PCCA: variants seen among roughly 807,000 people sequenced by gnomAD.
PCCA encodes propionyl-CoA carboxylase alpha chain, mitochondrial.
Under a neutral mutation model 101.3 loss-of-function variants are expected in PCCA, and 74 were observed. The ratio of observed to expected loss-of-function variants is 0.73; its 90% confidence interval spans 0.61 to 0.89. The LOEUF (loss-of-function observed/expected upper bound fraction) is 0.89. Among genes scored for constraint, PCCA ranks in the 40% least tolerant of loss-of-function variants. PCCA has a pLI of 0.00. For synonymous variants in PCCA, 294 were observed against 313.6 expected (o/e 0.94, Z 0.66); for missense variants, 891 against 907.0 (o/e 0.98, Z 0.23).
chr13:100,288,044 T>C (rs2064825887), intron 12 of PCCA, among the ~76,000 whole-genome samples: 1 of 152,210 alleles, frequency 6.6e-6, no homozygotes, highest in African/African-American at 2.4e-5. Flanking sequence ...TCAATTCCTC[T>C]ATATATCTTT....
intron 7 of PCCA, among the ~76,000 whole-genome samples, chr13:100,217,304 GC>G (rs1298464986): frequency 6.6e-6 from 1 of 151,030 alleles, no homozygotes; most frequent in Admixed American, 6.6e-5. Flanking sequence ...AATTAGCTGG[GC>G]GTGGTGGTGC....
chr13:100,467,343 C>G (rs1052838302), intron 21 of PCCA, among the ~76,000 whole-genome samples: 3 of 152,140 alleles, frequency 2.0e-5, no homozygotes, highest in African/African-American at 7.2e-5. Flanking sequence ...GCTTCCTGAG[C>G]CAGTTACTCT....
chr13:100,116,443 C>A (rs2048805458), intron 4 of PCCA, among the ~76,000 whole-genome samples: 1 of 152,166 alleles, frequency 6.6e-6, no homozygotes, highest in African/African-American at 2.4e-5. Flanking sequence ...GGAAAGCCAG[C>A]TAACTTGCAA....
chr13:100,526,209 T>C (rs1272210151), intron 22 of PCCA, among the ~76,000 whole-genome samples: 1 of 152,234 alleles, frequency 6.6e-6, no homozygotes, highest in East Asian at 1.9e-4. Context: ...TGGGGGCCTC[T>C]GCATTGTCTC....
intron 7 of PCCA, among the ~76,000 whole-genome samples, chr13:100,212,829 C>G (rs1482909252): frequency 6.6e-6 from 1 of 151,958 alleles, no homozygotes; most frequent in Non-Finnish European, 1.5e-5. Context: ...TTCTATCTAA[C>G]TGGACCCATT....
At chr13:100,345,153 T>G (rs1595476548) in intron 18 of PCCA, among the ~76,000 whole-genome samples, 1 of 152,344 alleles carries the variant, frequency 6.6e-6, no homozygotes, top group Admixed American at 6.5e-5. Context: ...AAGGAATAAG[T>G]AGCACATCTT....
intron 19 of PCCA, among the ~76,000 whole-genome samples, chr13:100,421,577 CT>C (rs1292324021): frequency 1.6e-4 from 23 of 147,042 alleles, no homozygotes; most frequent in Non-Finnish European, 1.2e-4. Context: ...ACAACATTTC[CT>C]TTTTTTTTTA....
intron 2 of PCCA, among the ~76,000 whole-genome samples, chr13:100,110,732 T>G (rs1044289798): frequency 6.6e-6 from 1 of 152,200 alleles, no homozygotes; most frequent in Non-Finnish European, 1.5e-5. Context: ...TGAAAACAAC[T>G]CATGACACTT....
intron 7 of PCCA, among the ~76,000 whole-genome samples, chr13:100,216,814 T>C (rs2059548288): frequency 6.6e-6 from 1 of 152,144 alleles, no homozygotes; most frequent in African/African-American, 2.4e-5. Flanking sequence ...TAGATAAGTA[T>C]ATAAAGAATT....
At chr13:100,341,554 C>G (rs1346285125) in intron 18 of PCCA, among the ~76,000 whole-genome samples, 3 of 152,172 alleles carry the variant, frequency 2.0e-5, no homozygotes, top group Non-Finnish European at 4.4e-5. Flanking sequence ...GTTAGCAGCT[C>G]CTGCACTGGG....
chr13:100,277,145 C>G (rs1315458898), intron 12 of PCCA, among the ~76,000 whole-genome samples: 2 of 152,068 alleles, frequency 1.3e-5, no homozygotes, highest in Non-Finnish European at 2.9e-5. Flanking sequence ...GGTTGCAGTT[C>G]TAGAGAATGG....
At chr13:100,297,274 A>G (rs1941958555) in intron 12 of PCCA, among the ~76,000 whole-genome samples, 1 of 152,164 alleles carries the variant, frequency 6.6e-6, no homozygotes. Context: ...AGATACTTTG[A>G]GACTCTATAA....
At chr13:100,493,097 G>GCA (rs1182581739) in intron 21 of PCCA, among the ~76,000 whole-genome samples, 1 of 152,232 alleles carries the variant, frequency 6.6e-6, no homozygotes, top group African/African-American at 2.4e-5. Context: ...TTCTAAAAGA[G>GCA]CATTAATTGT....
intron 4 of PCCA, among the ~76,000 whole-genome samples, chr13:100,131,760 G>GCACTT (rs1341299573): frequency 1.3e-5 from 2 of 152,182 alleles, no homozygotes; most frequent in African/African-American, 4.8e-5. Context: ...ATACCGTTGA[G>GCACTT]CACTTGTTAT....
intron 18 of PCCA, among the ~76,000 whole-genome samples, chr13:100,345,986 A>G (rs1336721763): frequency 6.6e-6 from 1 of 151,694 alleles, no homozygotes; most frequent in Non-Finnish European, 1.5e-5. Context: ...TCTCAAAAAA[A>G]AAAAAATTTT....
At chr13:100,483,297 G>A (rs555869640) in intron 21 of PCCA, among the ~76,000 whole-genome samples, 9 of 151,646 alleles carry the variant, frequency 5.9e-5, no homozygotes, top group East Asian at 1.9e-4. Flanking sequence ...TTAGCCCTTT[G>A]ATGTATTCCC....
intron 8 of PCCA, among the ~76,000 whole-genome samples, chr13:100,243,557 T>C (rs1485629391): frequency 6.6e-6 from 1 of 152,214 alleles, no homozygotes; most frequent in Non-Finnish European, 1.5e-5. Flanking sequence ...TACTTGTTAG[T>C]GACTACTAGT....
chr13:100,406,323 T>G (rs979553238), intron 19 of PCCA, among the ~76,000 whole-genome samples: 1 of 152,162 alleles, frequency 6.6e-6, no homozygotes, highest in Non-Finnish European at 1.5e-5. Flanking sequence ...GTTTCCAAAT[T>G]CTAGAGGAAG....
chr13:100,121,769 CG>C (rs2049426464), intron 4 of PCCA, among the ~76,000 whole-genome samples: 1 of 152,116 alleles, frequency 6.6e-6, no homozygotes, highest in South Asian at 2.1e-4. Context: ...CTACTGTGCC[CG>C]GCCAGGATTC....
Sources: allele counts gnomAD v4.1 joint callset (sites outside exome capture counted in the v4.1 genomes callset), GRCh38; gene constraint gnomAD v4.1.1; transcripts MANE v1.5; gene names NCBI Gene and HGNC (gene_info 2026-07-23, HGNC 2026-07-21).